Variants in MTAP observed in about 807,000 individuals in gnomAD.
MTAP encodes the protein S-methyl-5'-thioadenosine phosphorylase.
A neutral mutation model predicts 33.6 loss-of-function variants in MTAP; 33 were observed. The observed-to-expected ratio is 0.98, with a 90% CI of 0.74 to 1.31. MTAP has a LOEUF of 1.31. Ranked by LOEUF, MTAP falls within the 40% of genes most tolerant of loss-of-function variation. The pLI is 0.00. For missense variants in MTAP, 367 were observed against 360.0 expected, an observed-to-expected ratio of 1.02 and a Z score of -0.16; for synonymous variants, 148 against 125.7, an observed-to-expected ratio of 1.18 and a Z score of -1.19.
chr9:21,803,439 A>T (rs1427456436), intron 1 of MTAP: 1 of 152,586 alleles, frequency 6.6e-6, no homozygotes, highest in African/African-American at 2.4e-5. Flanking sequence ...TTAGGGCTGC[A>T]CTGTTTGGAG....
At chr9:21,921,255 T>G (rs1402725312) in intron 1 of MTAP, among the ~76,000 whole-genome samples, 5 of 152,080 alleles carry the variant, frequency 3.3e-5, no homozygotes, top group Non-Finnish European at 5.9e-5. Context: ...ATTTGTTAAC[T>G]CTCCCTTTTT....
At chr9:21,900,877 G>A (rs1200385679) in intron 1 of MTAP, among the ~76,000 whole-genome samples, 1 of 152,202 alleles carries the variant, frequency 6.6e-6, no homozygotes, top group African/African-American at 2.4e-5. Flanking sequence ...CAGCATGGAT[G>A]TAGCTGGAGA....
intron 2 of MTAP, 53 bp from the exon 3 acceptor site, chr9:21,816,661 A>G: frequency 6.7e-7 from 1 of 1,502,734 alleles, no homozygotes; most frequent in Non-Finnish European, 9.2e-7. Flanking sequence ...ATTATAATTT[A>G]CATACCTGTT....
intron 1 of MTAP, among the ~76,000 whole-genome samples, chr9:21,899,745 C>T (rs781273705): frequency 3.9e-5 from 6 of 152,068 alleles, no homozygotes; most frequent in African/African-American, 9.7e-5. Flanking sequence ...GCCCTTGACA[C>T]GTGGGTATTA....
At chr9:21,904,423 CCCACTTCCGTAT>C (rs1264682303) in intron 1 of MTAP, among the ~76,000 whole-genome samples, 2 of 152,150 alleles carry the variant, frequency 1.3e-5, no homozygotes. Flanking sequence ...ATTTCCCTTC[CCCACTTCCGTAT>C]CATTTAAAGG....
intron 6 of MTAP, among the ~76,000 whole-genome samples, chr9:21,856,894 C>T (rs1477591011): frequency 6.6e-6 from 1 of 152,182 alleles, no homozygotes; most frequent in Non-Finnish European, 1.5e-5. Context: ...GTTTACTCTT[C>T]TGTAGAATGA....
chr9:21,803,004 A>ACACACACACACACACCAC, intron 1 of MTAP: 1 of 1,024,334 alleles, frequency 9.8e-7, no homozygotes, highest in African/African-American at 1.7e-5. Context: ...ACACACACAC[A>ACACACACACACACACCAC]CACACACACA....
At chr9:21,819,567 T>C (rs1824577104) in intron 4 of MTAP, among the ~76,000 whole-genome samples, 1 of 152,196 alleles carries the variant, frequency 6.6e-6, no homozygotes, top group African/African-American at 2.4e-5. Flanking sequence ...TGGTTCCAAG[T>C]CTTTGCTATT....
intron 1 of MTAP, among the ~76,000 whole-genome samples, chr9:21,915,731 T>C (rs550843629): frequency 2.6e-5 from 4 of 152,098 alleles, no homozygotes; most frequent in Admixed American, 2.6e-4. Flanking sequence ...AGATAACAAT[T>C]TTTTAAAAAG....
At chr9:21,867,491 A>T (rs1411146449), downstream of MTAP, among the ~76,000 whole-genome samples, 1 of 152,150 alleles carries the variant, frequency 6.6e-6, no homozygotes, top group African/African-American at 2.4e-5. Flanking sequence ...CTGATCTTGC[A>T]TTCCTGATAT....
intron 1 of MTAP, among the ~76,000 whole-genome samples, chr9:21,888,390 A>G (rs1009202156): frequency 2.5e-4 from 38 of 152,246 alleles, no homozygotes; most frequent in African/African-American, 7.9e-4. Context: ...TTTGGTCTTC[A>G]TAATCGGTCT....
intron 6 of MTAP, chr9:21,858,856 G>C (rs183702241): frequency 6.5e-6 from 1 of 153,176 alleles, no homozygotes; most frequent in East Asian, 1.9e-4. Flanking sequence ...TCACAAGTCA[G>C]GTTTTTCTTA....
chr9:21,875,337 C>G (rs1825990661), intron 1 of MTAP, among the ~76,000 whole-genome samples: 1 of 152,156 alleles, frequency 6.6e-6, no homozygotes, highest in East Asian at 1.9e-4. Flanking sequence ...TAGCATTTCT[C>G]TAATGACCAG....
At chr9:21,809,325 C>G (rs1824285634) in intron 1 of MTAP, among the ~76,000 whole-genome samples, 1 of 152,124 alleles carries the variant, frequency 6.6e-6, no homozygotes, top group Non-Finnish European at 1.5e-5. Context: ...GCTTGCCACA[C>G]TCAGCCCACG....
chr9:21,919,210 G>A (rs80266623), intron 1 of MTAP, among the ~76,000 whole-genome samples: 3,952 of 152,118 alleles, frequency 0.026, 147 homozygotes, highest in African/African-American at 0.076. Context: ...TTTTTATCAG[G>A]GAAGATTTCA....
At chr9:21,931,099 C>T (rs1172831737) in exon 2 of MTAP, 1 of 763,776 alleles carries the variant, frequency 1.3e-6, no homozygotes, top group South Asian at 1.3e-5. Context: ...GACTTCCCAT[C>T]AGTGGGACAT....
chr9:21,824,927 G>C (rs773376655), intron 4 of MTAP, among the ~76,000 whole-genome samples: 1 of 152,002 alleles, frequency 6.6e-6, no homozygotes, highest in Admixed American at 6.5e-5. Context: ...CTCCTGGTGT[G>C]CCGTTTGCTA....
intron 1 of MTAP, chr9:21,930,238 A>G (rs1353746061): frequency 4.2e-6 from 1 of 237,576 alleles, no homozygotes; most frequent in African/African-American, 2.3e-5. Flanking sequence ...GCAGGCATGA[A>G]TGTAGCTACC....
At chr9:21,832,686 C>G (rs1459000640) in intron 4 of MTAP, among the ~76,000 whole-genome samples, 1 of 152,138 alleles carries the variant, frequency 6.6e-6, no homozygotes, top group East Asian at 1.9e-4. Context: ...GTTCCATAAC[C>G]TAGTTGTGTT....
Sources: allele counts gnomAD v4.1 joint callset (sites outside exome capture counted in the v4.1 genomes callset), GRCh38; gene constraint gnomAD v4.1.1; transcripts MANE v1.5; gene names NCBI Gene and HGNC (gene_info 2026-07-23, HGNC 2026-07-21).